The following ARID2 variants were observed in gnomAD, a reference collection of about 807,000 sequenced individuals.
The protein encoded by ARID2 is AT-rich interactive domain-containing protein 2.
A neutral mutation model predicts 184.6 loss-of-function variants in ARID2; 32 were observed. That is an observed-to-expected ratio of 0.17 (90% CI 0.13 to 0.23). The LOEUF is 0.23. ARID2 is among the 10% of genes least tolerant of loss of function. ARID2 has a pLI of 1.00. For synonymous variants in ARID2, 836 were observed against 772.6 expected, an observed-to-expected ratio of 1.08 and a Z score of -1.36; for missense variants, 1,696 against 2,197.6, an observed-to-expected ratio of 0.77 and a Z score of 4.56.
rs185269312 is a variant in ARID2 at position 45,771,468 on chromosome 12, C to T, written c.285-39950C>T. The stretch of plus-strand genomic sequence containing the variant: ...TCACCAGAGGCCAGGAGTTTGAGAG[C>T]AGCCTGGGCAACATAGTAAGACTCT... On this transcript the variant is annotated intron_variant, in intron 3 of 20. Transcript: ENST00000334344. 3.0e-3 allele frequency among the ~76,000 whole-genome samples: 445 copies of T among 149,412 alleles called. 8 individuals are homozygous for T. The highest frequency in any genetic ancestry group is 0.028 in the Admixed American group (425 of 15,004).
At chr12:45,828,774 G>T (rs1943052751) in intron 6 of ARID2, among the ~76,000 whole-genome samples, 4 of 151,610 alleles carry the variant, frequency 2.6e-5, no homozygotes, top group Admixed American at 2.6e-4. Flanking sequence ...CCTATATTTT[G>T]TCCATTTTTA....
chr12:45,814,949 T>C (rs1402209493), intron 4 of ARID2, among the ~76,000 whole-genome samples: 1 of 152,144 alleles, frequency 6.6e-6, no homozygotes, highest in Non-Finnish European at 1.5e-5. Flanking sequence ...ATCACTTTAC[T>C]ACTAAATGTT....
intron 6 of ARID2, among the ~76,000 whole-genome samples, chr12:45,823,269 C>T (rs1271421894): frequency 2.0e-5 from 3 of 151,992 alleles, no homozygotes; most frequent in Non-Finnish European, 4.4e-5. Flanking sequence ...AATGGAAACA[C>T]AATATGCCAA....
intron 3 of ARID2, among the ~76,000 whole-genome samples, chr12:45,763,472 A>T (rs1206090613): frequency 1.3e-5 from 2 of 151,784 alleles, no homozygotes; most frequent in Non-Finnish European, 2.9e-5. Context: ...TCAGACTCAA[A>T]AAAAAAAAAG....
intron 20 of ARID2, among the ~76,000 whole-genome samples, chr12:45,897,907 C>T (rs1194761137): frequency 1.3e-5 from 2 of 151,820 alleles, no homozygotes; most frequent in Admixed American, 6.6e-5. Flanking sequence ...TGCAGCGGAG[C>T]AATCATGGCT....
chr12:45,824,516 A>C (rs556826290), intron 6 of ARID2, among the ~76,000 whole-genome samples: 6 of 152,126 alleles, frequency 3.9e-5, no homozygotes, highest in African/African-American at 1.4e-4. Flanking sequence ...CAAAATATAT[A>C]TGAAAAATTG....
chr12:45,905,199 C>T lies in ARID2; in HGVS notation c.*121C>T, dbSNP rs922833553. On this transcript the variant is annotated 3_prime_UTR_variant, in exon 21 of 21. Coordinates refer to ENST00000334344, the MANE Select transcript of ARID2 (RefSeq NM_152641.4). ...ATAGAATGAATTATTTTATCTCCTC[C>T]CATGATGCTGAGAGGAAGCTTCGTA... 5.1e-6 allele frequency: 5 copies of T among 984,390 alleles called. No homozygotes were observed. Among genetic ancestry groups the T allele is most frequent in the Non-Finnish European group, 5.7e-6 (4 of 704,438 alleles). The allele number at this position is 984,390 out of a possible 1,614,324, so 61.0% of individuals were successfully genotyped here.
chr12:45,738,338 G>A (rs1239645777), intron 3 of ARID2, among the ~76,000 whole-genome samples: 4 of 151,952 alleles, frequency 2.6e-5, no homozygotes, highest in Non-Finnish European at 5.9e-5. Context: ...TTTTTGAGAC[G>A]GAGTTGCTCT....
intron 2 of ARID2, among the ~76,000 whole-genome samples, chr12:45,730,356 C>G (rs1187025598): frequency 1.4e-5 from 2 of 145,516 alleles, no homozygotes; most frequent in Non-Finnish European, 3.0e-5. Context: ...GGCGGGCGGG[C>G]GGCCCGGCGC....
At position 45,816,632 on chromosome 12, in the gene ARID2, C is replaced by A. The variant is rs778677224; in HGVS notation, c.419-1038C>A. 4.0e-4 allele frequency among the ~76,000 whole-genome samples: 61 copies of A among 152,226 alleles called. 1 individual carries two copies. Among genetic ancestry groups the A allele is most frequent in the Middle Eastern group, 3.4e-3 (1 of 294 alleles). On this transcript the variant is annotated intron_variant, in intron 4 of 20. Transcript: ENST00000334344. ...GACAAAATCCTGTCTATGTTTCTAG[C>A]GAGATTTATTAGTACTCACCAATAA...
chr12:45,882,244 C>T (rs573981477), intron 16 of ARID2: 3 of 152,356 alleles, frequency 2.0e-5, no homozygotes, highest in African/African-American at 7.2e-5. Flanking sequence ...AGGCCCAGGT[C>T]TCCTTTGTGG....
chr12:45,730,887 T>G (rs1940979481), intron 2 of ARID2, among the ~76,000 whole-genome samples: 1 of 149,844 alleles, frequency 6.7e-6, no homozygotes, highest in Non-Finnish European at 1.5e-5. Context: ...TTTTTTTTTT[T>G]TTTTTTTTAG....
intron 3 of ARID2, among the ~76,000 whole-genome samples, chr12:45,809,337 A>G (rs914406411): frequency 2.4e-4 from 36 of 152,252 alleles, no homozygotes; most frequent in South Asian, 2.1e-4. Context: ...AAGATGCCAC[A>G]TAAATTTTGA....
At chr12:45,777,635 T>A (rs1942010303) in intron 3 of ARID2, among the ~76,000 whole-genome samples, 1 of 151,972 alleles carries the variant, frequency 6.6e-6, no homozygotes, top group Non-Finnish European at 1.5e-5. Context: ...CTATCCCTAA[T>A]TATCTTTCAA....
chr12:45,823,313 G>C (rs1450612143), intron 6 of ARID2, among the ~76,000 whole-genome samples: 3 of 152,092 alleles, frequency 2.0e-5, no homozygotes, highest in African/African-American at 7.2e-5. Flanking sequence ...AGTCCTAAGA[G>C]GGAAGCTTAT....
At chr12:45,828,942 T>C (rs557285715) in intron 6 of ARID2, among the ~76,000 whole-genome samples, 1 of 152,132 alleles carries the variant, frequency 6.6e-6, no homozygotes, top group South Asian at 2.1e-4. Context: ...TAGTTTAACA[T>C]CAATTTTTCT....
chr12:45,883,027 A>G (rs1944130004), intron 16 of ARID2, among the ~76,000 whole-genome samples: 1 of 152,304 alleles, frequency 6.6e-6, no homozygotes, highest in African/African-American at 2.4e-5. Flanking sequence ...TTCTAGGTTG[A>G]TAAAATATTT....
At chr12:45,770,358 A>AT (rs1267146362) in intron 3 of ARID2, among the ~76,000 whole-genome samples, 11 of 152,018 alleles carry the variant, frequency 7.2e-5, no homozygotes, top group Non-Finnish European at 5.9e-5. Context: ...ATGACACAGG[A>AT]TTTTTTTTGG....
chr12:45,868,857 A>G (rs891322602), intron 16 of ARID2, among the ~76,000 whole-genome samples: 1 of 152,204 alleles, frequency 6.6e-6, no homozygotes, highest in Non-Finnish European at 1.5e-5. Flanking sequence ...AACTTTGGAC[A>G]TGGCAGTTTG....
Sources: allele counts gnomAD v4.1 joint callset (sites outside exome capture counted in the v4.1 genomes callset), GRCh38; gene constraint gnomAD v4.1.1; transcripts MANE v1.5; gene names NCBI Gene and HGNC (gene_info 2026-07-23, HGNC 2026-07-21).